FSIP1: variants seen among roughly 807,000 people sequenced by gnomAD.
The protein encoded by FSIP1 is fibrous sheath-interacting protein 1.
Under a neutral mutation model 60.9 loss-of-function variants are expected in FSIP1, and 65 were observed. That is an observed-to-expected ratio of 1.07 (90% CI 0.87 to 1.31). The LOEUF (loss-of-function observed/expected upper bound fraction) is 1.31. FSIP1 is among the 40% of genes most tolerant of loss of function. The probability of loss-of-function intolerance (pLI) is 0.00; values close to 1 mark genes in which losing one functional copy is unlikely to be tolerated. For missense variants in FSIP1, 675 were observed against 665.5 expected, an observed-to-expected ratio of 1.01 and a Z score of -0.16; for synonymous variants, 209 against 221.2, an observed-to-expected ratio of 0.94 and a Z score of 0.49.
chr15:39,776,693 G>A (rs1212891592), intron 1 of FSIP1, among the ~76,000 whole-genome samples, 162 bp from the exon 2 acceptor site: 1 of 152,144 alleles, frequency 6.6e-6, no homozygotes, highest in African/African-American at 2.4e-5. Context: ...GACATCTTGT[G>A]TACATGGATT....
intron 2 of FSIP1, among the ~76,000 whole-genome samples, chr15:39,771,632 G>A (rs1047122375): frequency 4.6e-5 from 7 of 152,132 alleles, no homozygotes; most frequent in African/African-American, 7.2e-5. Flanking sequence ...TGCCTCATTC[G>A]CTTCCCACAA....
chr15:39,741,251 G>A (rs1299311859), intron 6 of FSIP1, among the ~76,000 whole-genome samples: 3 of 152,144 alleles, frequency 2.0e-5, no homozygotes, highest in African/African-American at 7.2e-5. Context: ...AAACAGTAGG[G>A]AAAACACATT....
intron 11 of FSIP1, among the ~76,000 whole-genome samples, chr15:39,615,771 G>C (rs1207121078): frequency 6.7e-6 from 1 of 149,884 alleles, no homozygotes; most frequent in Non-Finnish European, 1.5e-5. Flanking sequence ...GTGGAGAGTA[G>C]AATGGCAGTT....
intron 10 of FSIP1, 146 bp downstream of exon 10, chr15:39,713,297 TG>T: frequency 1.8e-6 from 1 of 554,242 alleles, no homozygotes; most frequent in Non-Finnish European, 3.0e-6. Context: ...ACGGGTGCGG[TG>T]GCCCACACCT....
At chr15:39,614,577 G>A (rs1032445432) in intron 11 of FSIP1, among the ~76,000 whole-genome samples, 3 of 151,404 alleles carry the variant, frequency 2.0e-5, no homozygotes, top group Non-Finnish European at 4.4e-5. Flanking sequence ...CCCAGGAGGC[G>A]GAGGTTGCAG....
intron 10 of FSIP1, among the ~76,000 whole-genome samples, chr15:39,636,208 T>C (rs1033404062): frequency 6.6e-6 from 1 of 152,226 alleles, no homozygotes; most frequent in South Asian, 2.1e-4. Context: ...CTATTTATGC[T>C]AGTACACTGA....
intron 9 of FSIP1, among the ~76,000 whole-genome samples, chr15:39,717,770 A>C (rs1415020198): frequency 6.6e-6 from 1 of 152,308 alleles, no homozygotes; most frequent in African/African-American, 2.4e-5. Flanking sequence ...CACAAGAATC[A>C]CTGCAGTCAG....
chr15:39,673,684 T>G (rs1893811242), intron 10 of FSIP1, among the ~76,000 whole-genome samples: 1 of 152,298 alleles, frequency 6.6e-6, no homozygotes, highest in East Asian at 1.9e-4. Flanking sequence ...ATCATTTATA[T>G]TTTATGCATG....
intron 5 of FSIP1, among the ~76,000 whole-genome samples, chr15:39,759,571 A>G (rs1181735123): frequency 6.6e-6 from 1 of 152,224 alleles, no homozygotes; most frequent in Non-Finnish European, 1.5e-5. Context: ...AATGTATTTG[A>G]AAGTATACCC....
chr15:39,698,302 T>C (rs148938023), intron 10 of FSIP1, among the ~76,000 whole-genome samples: 2 of 152,172 alleles, frequency 1.3e-5, no homozygotes, highest in Non-Finnish European at 2.9e-5. Flanking sequence ...GCCTTTTTGA[T>C]GTGACTAGCA....
At chr15:39,762,197 C>T (rs192257209) in intron 5 of FSIP1, among the ~76,000 whole-genome samples, 8 of 152,304 alleles carry the variant, frequency 5.3e-5, no homozygotes, top group Admixed American at 1.3e-4. Context: ...CTGAAAACAA[C>T]GGAAATTTAT....
intron 1 of FSIP1, 140 bp from the exon 2 acceptor site, chr15:39,776,671 G>C (rs1052116445): frequency 2.8e-5 from 20 of 708,986 alleles, no homozygotes; most frequent in Non-Finnish European, 4.1e-5. Context: ...GGGTTCCCCA[G>C]CTTCACCAAA....
At chr15:39,621,138 A>G (rs368527711) in intron 10 of FSIP1, among the ~76,000 whole-genome samples, 20 of 152,000 alleles carry the variant, frequency 1.3e-4, no homozygotes, top group Admixed American at 2.6e-4. Flanking sequence ...AATGTGAAAA[A>G]GATCACAACA....
At chr15:39,667,981 G>A (rs1171883294) in intron 10 of FSIP1, among the ~76,000 whole-genome samples, 4 of 152,154 alleles carry the variant, frequency 2.6e-5, no homozygotes, top group Non-Finnish European at 4.4e-5. Flanking sequence ...GAGAAGCAGA[G>A]AATAACATGA....
chr15:39,683,787 T>C (rs1439466138), intron 10 of FSIP1, among the ~76,000 whole-genome samples: 6 of 152,274 alleles, frequency 3.9e-5, no homozygotes, highest in Non-Finnish European at 4.4e-5. Context: ...ACTTCTTGTA[T>C]ACATAGAAAC....
intron 10 of FSIP1, among the ~76,000 whole-genome samples, chr15:39,696,116 T>C (rs1346901629): frequency 1.3e-5 from 2 of 152,202 alleles, no homozygotes; most frequent in Non-Finnish European, 2.9e-5. Context: ...ATACCCAGCA[T>C]ATATTTCTCA....
At chr15:39,709,717 G>C (rs1451947294) in intron 10 of FSIP1, among the ~76,000 whole-genome samples, 1 of 152,072 alleles carries the variant, frequency 6.6e-6, no homozygotes. Flanking sequence ...AGGTCATCAG[G>C]CATTAGATTT....
Position 39,619,678 on chromosome 15 carries a change from T to C in FSIP1, c.1189-1433A>G, listed in dbSNP as rs147742614. Among the ~76,000 whole-genome samples, 33 of 152,286 alleles carry C rather than the reference T, an allele frequency of 2.2e-4. No individual in the cohort carries two copies. In the East Asian group the frequency reaches 6.0e-3, roughly 28 times the overall value. ...ACCCTACTATGGAAACCTAGTCAAG[T>C]AGAAAATGAAGGAAGTCCTTCTATG... On this transcript the variant is annotated intron_variant, in intron 10 of 11. Transcript: ENST00000350221.
chr15:39,612,041 T>C (rs775790215), intron 11 of FSIP1, among the ~76,000 whole-genome samples: 1 of 152,180 alleles, frequency 6.6e-6, no homozygotes, highest in African/African-American at 2.4e-5. Context: ...ATCTGAGAGA[T>C]AGACTGCAAT....
Sources: allele counts gnomAD v4.1 joint callset (sites outside exome capture counted in the v4.1 genomes callset), GRCh38; gene constraint gnomAD v4.1.1; transcripts MANE v1.5; gene names NCBI Gene and HGNC (gene_info 2026-07-23, HGNC 2026-07-21).